Variants in ANGPT1 observed in about 807,000 individuals in gnomAD.
The protein encoded by ANGPT1 is angiopoietin 1, also known as angiopoietin-1.
ANGPT1 carries 17 observed loss-of-function variants against 62.2 expected under a neutral mutation model. The ratio of observed to expected loss-of-function variants is 0.27; its 90% CI spans 0.19 to 0.41. The LOEUF (loss-of-function observed/expected upper bound fraction) is 0.41, where lower values mean the gene tolerates loss of function less well. Ranked by LOEUF, ANGPT1 falls within the 10% of genes least tolerant of loss-of-function variation. The pLI is 1.00. For missense variants in ANGPT1, 478 were observed against 594.9 expected (o/e 0.80, Z 2.04); for synonymous variants, 199 against 198.9 (o/e 1.00, Z 0.00).
chr8:107,476,124 A>C (rs1812520005), intron 1 of ANGPT1, among the ~76,000 whole-genome samples: 1 of 152,204 alleles, frequency 6.6e-6, no homozygotes, highest in Non-Finnish European at 1.5e-5. Context: ...TGCTATAAAG[A>C]CACATCCACA....
chr8:107,334,584 A>C (rs1301526587), intron 3 of ANGPT1, among the ~76,000 whole-genome samples: 3 of 152,066 alleles, frequency 2.0e-5, no homozygotes, highest in Non-Finnish European at 4.4e-5. Flanking sequence ...TAATTATAAA[A>C]CCAAACGACG....
intron 1 of ANGPT1, among the ~76,000 whole-genome samples, chr8:107,473,308 T>C (rs1472558891): frequency 2.0e-5 from 3 of 152,044 alleles, no homozygotes; most frequent in Non-Finnish European, 4.4e-5. Flanking sequence ...AGGAATTTCT[T>C]TTTCCTATAC....
chr8:107,477,434 C>T (rs180732876), intron 1 of ANGPT1, among the ~76,000 whole-genome samples: 5 of 152,228 alleles, frequency 3.3e-5, no homozygotes, highest in Admixed American at 1.3e-4. Context: ...CCAGGGCCAG[C>T]TTATAAAGAT....
At chr8:107,317,635 T>A (rs1460953198) in intron 4 of ANGPT1, among the ~76,000 whole-genome samples, 26 of 1,564 alleles carry the variant, frequency 0.017, no homozygotes, top group African/African-American at 0.098. Flanking sequence ...TTTATTTTTA[T>A]TTTTTTTTTT....
intron 1 of ANGPT1, among the ~76,000 whole-genome samples, chr8:107,368,177 T>C (rs1226359747): frequency 6.6e-6 from 1 of 152,182 alleles, no homozygotes; most frequent in Non-Finnish European, 1.5e-5. Context: ...AGGATGGATA[T>C]TGTGTTAGCA....
chr8:107,449,118 A>G (rs754900076), intron 1 of ANGPT1, among the ~76,000 whole-genome samples: 4 of 152,022 alleles, frequency 2.6e-5, no homozygotes, highest in African/African-American at 4.8e-5. Context: ...TCTCAATAGC[A>G]GGGGAAGTTC....
chr8:107,411,832 T>A (rs1810591895), intron 1 of ANGPT1, among the ~76,000 whole-genome samples: 1 of 152,142 alleles, frequency 6.6e-6, no homozygotes, highest in Admixed American at 6.6e-5. Context: ...GAATCTACAA[T>A]CTTTCTCTCT....
intron 1 of ANGPT1, among the ~76,000 whole-genome samples, chr8:107,358,940 A>T (rs1232621018): frequency 6.6e-6 from 1 of 152,184 alleles, no homozygotes; most frequent in African/African-American, 2.4e-5. Context: ...AGGTCCCACA[A>T]TCAGAATATA....
chr8:107,276,786 C>T (rs1386100384), intron 7 of ANGPT1, among the ~76,000 whole-genome samples: 1 of 152,110 alleles, frequency 6.6e-6, no homozygotes, highest in Non-Finnish European at 1.5e-5. Context: ...CTCTGGATTC[C>T]CGATACAGTG....
Position 107,264,233 on chromosome 8 carries a change from T to A in ANGPT1, c.1324A>T (p.Met442Leu). 2 of 1,613,452 alleles carry A rather than the reference T, an allele frequency of 1.2e-6. No homozygotes were observed. The highest frequency in any genetic ancestry group is 1.7e-6 in the Non-Finnish European group (2 of 1,179,688). ...CCATAGGACTTACCTCCTGTTAACA[T>A]GAGGGCACATTTGCACATACAGTTG... is the stretch of plus-strand genomic sequence containing the variant. ...NDNCMCKCAL[M>L]LTGGWWFDAC... Residue 442 changes from methionine to leucine, a missense_variant, in exon 8 of 9, where the codon ATG becomes TTG. Met to Leu is a conservative substitution (Grantham distance 15). Transcript: ENST00000517746.
rs10686360 is a variant in ANGPT1 at position 107,396,517 on chromosome 8, CTTTTTT to C, written c.298-49426_298-49421del. 1.9e-3 allele frequency among the ~76,000 whole-genome samples: 165 copies of C among 84,852 alleles called. 1 individual carries two copies. The highest frequency in any genetic ancestry group is 2.9e-3 in the Non-Finnish European group (135 of 46,628). 55.7% of individuals were successfully genotyped at this position (84,852 alleles called of 152,430 possible). A position where few individuals can be genotyped will look rare whatever the true frequency, so the allele number is the denominator to read the frequency against. ...TTTTTCTTTTTCTTTTCTTTTCTCT[CTTTTTT>C]TTTTTTTTTTTTTTTTGAGAGAGGG... On this transcript the variant is annotated intron_variant, in intron 1 of 8. Coordinates refer to ENST00000517746, the MANE Select transcript of ANGPT1 (RefSeq NM_001146.5).
intron 1 of ANGPT1, among the ~76,000 whole-genome samples, chr8:107,433,900 C>T (rs763764524): frequency 6.6e-6 from 1 of 152,180 alleles, no homozygotes; most frequent in African/African-American, 2.4e-5. Flanking sequence ...TTCCCTCACC[C>T]ACACACAAAT....
intron 1 of ANGPT1, among the ~76,000 whole-genome samples, chr8:107,424,466 C>T (rs562219726): frequency 6.6e-6 from 1 of 152,250 alleles, no homozygotes; most frequent in South Asian, 2.1e-4. Flanking sequence ...CTCCACTGTT[C>T]CGAGAAGGGT....
At chr8:107,467,286 G>A (rs1812229968) in intron 1 of ANGPT1, among the ~76,000 whole-genome samples, 1 of 151,372 alleles carries the variant, frequency 6.6e-6, no homozygotes. Flanking sequence ...CAACTATTAA[G>A]TACCTATAAT....
At chr8:107,406,140 G>T (rs1421614130) in intron 1 of ANGPT1, among the ~76,000 whole-genome samples, 1 of 151,922 alleles carries the variant, frequency 6.6e-6, no homozygotes, top group East Asian at 1.9e-4. Flanking sequence ...TGATATGAAA[G>T]ATTTTATCAT....
intron 6 of ANGPT1, among the ~76,000 whole-genome samples, chr8:107,289,772 T>C (rs1283967209): frequency 2.0e-5 from 3 of 152,112 alleles, no homozygotes; most frequent in East Asian, 3.9e-4. Context: ...ATGGGGGTAA[T>C]TGTTCTCAAA....
intron 1 of ANGPT1, among the ~76,000 whole-genome samples, chr8:107,419,455 A>G (rs1810840802): frequency 6.6e-6 from 1 of 152,114 alleles, no homozygotes; most frequent in Non-Finnish European, 1.5e-5. Flanking sequence ...TTACCATTAG[A>G]TCATACCCTT....
chr8:107,415,285 G>A (rs946044690), intron 1 of ANGPT1, among the ~76,000 whole-genome samples: 1 of 152,112 alleles, frequency 6.6e-6, no homozygotes, highest in South Asian at 2.1e-4. Context: ...ACTTGATTTT[G>A]AATGATCTGG....
intron 1 of ANGPT1, among the ~76,000 whole-genome samples, chr8:107,483,963 T>C (rs1434436188): frequency 1.3e-5 from 2 of 152,216 alleles, no homozygotes; most frequent in Non-Finnish European, 2.9e-5. Context: ...ATGGGAAAGA[T>C]GCCTAGGAAG....
Sources: allele counts gnomAD v4.1 joint callset (sites outside exome capture counted in the v4.1 genomes callset), GRCh38; gene constraint gnomAD v4.1.1; transcripts MANE v1.5; gene names NCBI Gene and HGNC (gene_info 2026-07-23, HGNC 2026-07-21).